PPP3CA: variants seen among roughly 807,000 people sequenced by gnomAD.
PPP3CA encodes the protein CAM-PRP catalytic subunit.
PPP3CA carries 14 observed loss-of-function variants against 66.5 expected under a neutral mutation model. The ratio of observed to expected loss-of-function variants is 0.21; its 90% CI spans 0.14 to 0.33. The LOEUF is 0.33. Ranked by LOEUF, PPP3CA falls within the 10% of genes least tolerant of loss-of-function variation. The pLI is 1.00. For missense variants in PPP3CA, 317 were observed against 639.5 expected (o/e 0.50, Z 5.44); for synonymous variants, 232 against 226.2 (o/e 1.03, Z -0.23).
chr4:101,089,985 CACACAAACT>C (rs1275585297), intron 6 of PPP3CA, among the ~76,000 whole-genome samples: 4 of 152,118 alleles, frequency 2.6e-5, no homozygotes, highest in Non-Finnish European at 5.9e-5. Context: ...GCAAAGTAAA[CACACAAACT>C]ACACATACAA....
At chr4:101,100,631 A>G (rs1244500591) in intron 3 of PPP3CA, among the ~76,000 whole-genome samples, 1 of 152,192 alleles carries the variant, frequency 6.6e-6, no homozygotes, top group Non-Finnish European at 1.5e-5. Flanking sequence ...GTCAACTGAC[A>G]TTTGTTAAGA....
chr4:101,306,576 C>A (rs1728541266), intron 1 of PPP3CA, among the ~76,000 whole-genome samples: 1 of 152,132 alleles, frequency 6.6e-6, no homozygotes, highest in Non-Finnish European at 1.5e-5. Flanking sequence ...CCACCACCTT[C>A]ACTTCTCGGA....
intron 1 of PPP3CA, 97 bp from the exon 2 acceptor site, chr4:101,196,213 T>A: frequency 9.2e-7 from 1 of 1,092,444 alleles, no homozygotes; most frequent in South Asian, 1.6e-5. Context: ...ACAAACCAAC[T>A]AATATAATAT....
intron 1 of PPP3CA, among the ~76,000 whole-genome samples, chr4:101,208,062 A>T (rs1183073797): frequency 6.6e-6 from 1 of 152,220 alleles, no homozygotes; most frequent in Non-Finnish European, 1.5e-5. Flanking sequence ...CAAGTTTCAT[A>T]TATGGAGGTC....
At chr4:101,105,581 C>A (rs1457339778) in intron 3 of PPP3CA, among the ~76,000 whole-genome samples, 2 of 150,256 alleles carry the variant, frequency 1.3e-5, no homozygotes, top group Admixed American at 6.6e-5. Flanking sequence ...AGAAAAAAAA[C>A]AAAAAACAAA....
intron 1 of PPP3CA, among the ~76,000 whole-genome samples, chr4:101,254,126 A>T (rs1726766447): frequency 6.6e-6 from 1 of 152,076 alleles, no homozygotes; most frequent in African/African-American, 2.4e-5. Context: ...TAATCCTCAC[A>T]AAGTCCCAGT....
intron 8 of PPP3CA, among the ~76,000 whole-genome samples, chr4:101,068,584 T>C (rs558603602): frequency 6.6e-6 from 1 of 152,240 alleles, no homozygotes; most frequent in African/African-American, 2.4e-5. Context: ...TGAATATGCA[T>C]ATATGCATAT....
At chr4:101,302,417 G>A (rs1021585537) in intron 1 of PPP3CA, among the ~76,000 whole-genome samples, 2 of 152,218 alleles carry the variant, frequency 1.3e-5, no homozygotes, top group African/African-American at 2.4e-5. Flanking sequence ...ACTTTTCTAA[G>A]TTAGCACACT....
chr4:101,061,021 T>C, intron 10 of PPP3CA, 66 bp downstream of exon 10: 1 of 1,288,994 alleles, frequency 7.8e-7, no homozygotes, highest in Non-Finnish European at 1.1e-6. Flanking sequence ...TATTCTTAGA[T>C]TTAGCAATGA....
chr4:101,072,162 A>C (rs985110963), intron 8 of PPP3CA, among the ~76,000 whole-genome samples: 1 of 152,228 alleles, frequency 6.6e-6, no homozygotes, highest in African/African-American at 2.4e-5. Flanking sequence ...AAAATGTACA[A>C]GGTATTCTAA....
chr4:101,139,828 C>T (rs1476468978), intron 2 of PPP3CA, among the ~76,000 whole-genome samples: 2 of 149,990 alleles, frequency 1.3e-5, no homozygotes, highest in African/African-American at 4.9e-5. Flanking sequence ...TTTCTATTGG[C>T]TTGGGGTGTA....
intron 3 of PPP3CA, among the ~76,000 whole-genome samples, chr4:101,103,531 C>T (rs1269156311): frequency 1.3e-5 from 2 of 152,188 alleles, no homozygotes; most frequent in African/African-American, 4.8e-5. Flanking sequence ...TACTCTGTCA[C>T]CTAACATCTC....
intron 2 of PPP3CA, among the ~76,000 whole-genome samples, chr4:101,182,426 G>C (rs1452188790): frequency 6.6e-6 from 1 of 152,118 alleles, no homozygotes; most frequent in East Asian, 1.9e-4. Flanking sequence ...CGTAGGACCT[G>C]AGCCTGCTCT....
chr4:101,143,958 AAGTCACATAAACC>A (rs1180546044), intron 2 of PPP3CA, among the ~76,000 whole-genome samples: 1 of 152,204 alleles, frequency 6.6e-6, no homozygotes, highest in Non-Finnish European at 1.5e-5. Context: ...ACCATCTATC[AAGTCACATAAACC>A]AGTCACATAA....
At chr4:101,287,063 A>C (rs1327993545) in intron 1 of PPP3CA, among the ~76,000 whole-genome samples, 3 of 152,074 alleles carry the variant, frequency 2.0e-5, no homozygotes, top group Non-Finnish European at 4.4e-5. Context: ...ATATTAATAT[A>C]CCTTTTCTCT....
At chr4:101,235,697 G>A (rs1014555986) in intron 1 of PPP3CA, among the ~76,000 whole-genome samples, 3 of 151,770 alleles carry the variant, frequency 2.0e-5, no homozygotes, top group Non-Finnish European at 4.4e-5. Context: ...TATCTGTCTT[G>A]TGGAATAATC....
intron 1 of PPP3CA, among the ~76,000 whole-genome samples, chr4:101,232,368 C>T (rs986467961): frequency 1.8e-4 from 28 of 151,614 alleles, no homozygotes; most frequent in African/African-American, 6.8e-4. Context: ...TTTATATAGT[C>T]TGTCAGGAGT....
At chr4:101,197,017 T>C (rs1724816046) in intron 1 of PPP3CA, among the ~76,000 whole-genome samples, 1 of 152,180 alleles carries the variant, frequency 6.6e-6, no homozygotes, top group Non-Finnish European at 1.5e-5. Context: ...CAATAAGCTA[T>C]TTAAAAACTC....
intron 1 of PPP3CA, among the ~76,000 whole-genome samples, chr4:101,292,563 C>T (rs2583406): frequency 0.34 from 52,126 of 152,086 alleles, 13,080 homozygotes; most frequent in African/African-American, 0.68. Flanking sequence ...CTTTAGAGCT[C>T]TACTTTTAAA....
Sources: gnomAD v4.1 joint callset for allele counts (sites outside exome capture counted in the v4.1 genomes callset) on GRCh38, gnomAD v4.1.1 for gene constraint, MANE v1.5 for transcripts, NCBI Gene and HGNC (gene_info 2026-07-23, HGNC 2026-07-21) for gene names.